ZFP62: variants seen among roughly 807,000 people sequenced by gnomAD.
ZFP62 encodes ZFP62 zinc finger protein, also known as zinc finger protein 62 homolog.
In ZFP62, 44 loss-of-function variants were observed where a neutral mutation model predicts 56.4. That is an observed-to-expected ratio of 0.78 (90% confidence interval 0.61 to 1.00). ZFP62 has a LOEUF of 1.00. ZFP62 is among the 50% of genes least tolerant of loss of function. The probability of loss-of-function intolerance (pLI) is 0.00; values close to 1 mark genes in which losing one functional copy is unlikely to be tolerated. For missense variants in ZFP62, 1,030 were observed against 1,085.7 expected, an observed-to-expected ratio of 0.95 and a Z score of 0.72; for synonymous variants, 421 against 388.9, an observed-to-expected ratio of 1.08 and a Z score of -0.97.
downstream of ZFP62, among the ~76,000 whole-genome samples, chr5:180,843,114 CAT>C (rs777499164): frequency 2.0e-3 from 299 of 148,500 alleles, no homozygotes; most frequent in Non-Finnish European, 3.2e-3. Flanking sequence ...AAAATAATAA[CAT>C]ATTTTAATAT....
At chr5:180,846,975 T>C (rs561118960), downstream of ZFP62, among the ~76,000 whole-genome samples, 110 of 152,310 alleles carry the variant, frequency 7.2e-4, no homozygotes, top group African/African-American at 2.5e-3. Flanking sequence ...TCCATCTCCC[T>C]TTCCTCCCTC....
chr5:180,856,826 C>T (rs1263011636), intron 1 of ZFP62, among the ~76,000 whole-genome samples: 4 of 151,570 alleles, frequency 2.6e-5, no homozygotes, highest in African/African-American at 4.9e-5. Context: ...TGGTGGTGGG[C>T]GCCTGTAGCT....
chr5:180,839,726 C>T, the ZFP62 span, among the ~76,000 whole-genome samples: 813 of 152,262 alleles, frequency 5.3e-3, 6 homozygotes, highest in African/African-American at 0.019. Context: ...AGTTTACCTA[C>T]ATAACAAACC....
At chr5:180,839,406 T>C in the ZFP62 span, among the ~76,000 whole-genome samples, 3 of 152,192 alleles carry the variant, frequency 2.0e-5, no homozygotes, top group East Asian at 1.9e-4. Context: ...TTTAAAATGG[T>C]TGTGTTCATG....
chr5:180,835,946 TTC>T, the ZFP62 span, among the ~76,000 whole-genome samples: 1 of 152,396 alleles, frequency 6.6e-6, no homozygotes, highest in African/African-American at 2.4e-5. Flanking sequence ...CAGGCTGCGT[TTC>T]TGACAGTACT....
chr5:180,837,622 G>A, the ZFP62 span, among the ~76,000 whole-genome samples: 5 of 152,176 alleles, frequency 3.3e-5, no homozygotes, highest in Non-Finnish European at 7.4e-5. Flanking sequence ...GGGCATAAAG[G>A]TATGTTAATT....
At position 180,848,767 on chromosome 5, in the gene ZFP62, GGA is replaced by G. The variant is rs779704548; in HGVS notation, c.*23_*24del. On this transcript the variant is annotated 3_prime_UTR_variant, in exon 2 of 2. Coordinates refer to ENST00000502412, the MANE Select transcript of ZFP62 (RefSeq NM_001172638.2). The stretch of plus-strand genomic sequence containing the variant: ...TAAGGTATTTCTTCCATTTGAGTTC[GGA>G]GAGACTTGGTAAGCTCTGCCTGCTA... The G allele has an allele frequency of 2.7e-6, 4 of 1,479,272 alleles. No individual in the cohort carries two copies. In the Admixed American group the frequency reaches 7.8e-5, roughly 29 times the overall value. 91.6% of individuals were successfully genotyped at this position (1,479,272 alleles called of 1,614,324 possible).
chr5:180,835,434 G>C, the ZFP62 span: 1 of 152,166 alleles, frequency 6.6e-6, no homozygotes, highest in Admixed American at 6.5e-5. Flanking sequence ...CTTCCAACTT[G>C]GATCAGGCCA....
chr5:180,850,520 G>A lies in ZFP62; in HGVS notation c.975C>T (p.Leu325=). The A allele has an allele frequency of 6.4e-7, 1 of 1,553,014 alleles. No individual in the cohort carries two copies. Among genetic ancestry groups the A allele is most frequent in the Non-Finnish European group, 8.7e-7 (1 of 1,147,884 alleles). The change falls in exon 2 of 2, where the codon CTC becomes CTT. Residue 325 remains leucine, a synonymous_variant. Coordinates refer to ENST00000502412, the MANE Select transcript of ZFP62 (RefSeq NM_001172638.2). ...GKAFITCRTL[L]NHKSIHFGDK... ...CTCCAAAGTGGATGCTTTTATGGTT[G>A]AGAAGTGTTCTACAAGTAATGAAGG...
chr5:180,835,172 A>C, the ZFP62 span: 1 of 152,222 alleles, frequency 6.6e-6, no homozygotes, highest in African/African-American at 2.4e-5. Flanking sequence ...TGCTCAGTGG[A>C]CTGAGTAGGG....
At position 180,850,629 on chromosome 5, in the gene ZFP62, G is replaced by T. The variant is rs768908665; in HGVS notation, c.866C>A (p.Thr289Asn). Residue 289 changes from threonine to asparagine, a missense_variant, in exon 2 of 2, where the codon ACC (threonine) becomes AAC (asparagine). Transcript: ENST00000502412. ...KPYECDICGK[T>N]FSNSSGLRVH... is the part of the protein sequence containing the mutation. ...CCTAAGGCCAGAGCTGTTACTGAAG[G>T]TTTTCCCACAGATGTCGCATTCATA... 6.3e-7 allele frequency: 1 copy of T among 1,574,838 alleles called. No individual in the cohort carries two copies. The highest frequency in any genetic ancestry group is 1.2e-5 in the South Asian group (1 of 86,610).
intron 1 of ZFP62, among the ~76,000 whole-genome samples, chr5:180,858,752 C>T (rs548842589): frequency 6.6e-6 from 1 of 151,924 alleles, no homozygotes; most frequent in South Asian, 2.1e-4. Flanking sequence ...CCTGATGACA[C>T]AAGTAAGGAA....
At chr5:180,829,515 C>A in the ZFP62 span, among the ~76,000 whole-genome samples, 1 of 152,216 alleles carries the variant, frequency 6.6e-6, no homozygotes, top group Non-Finnish European at 1.5e-5. Flanking sequence ...TCTTTGTACT[C>A]TTTATTTCTC....
intron 1 of ZFP62, among the ~76,000 whole-genome samples, chr5:180,854,101 C>T (rs1773850948): frequency 6.6e-6 from 1 of 152,162 alleles, no homozygotes; most frequent in Non-Finnish European, 1.5e-5. Context: ...ACATCTAGTA[C>T]CCCATTCTGG....
In ZFP62 at chr5:180,849,134, ACATT is replaced by A; in HGVS notation, c.2357_2360del (p.Glu786ValfsTer82). The A allele has an allele frequency of 6.4e-7, 1 of 1,562,114 alleles. No homozygotes were observed. Among genetic ancestry groups the A allele is most frequent in the Non-Finnish European group, 8.7e-7 (1 of 1,153,356 alleles). ...AGATGTATGCCTTCCCACACTCATC[ACATT>A]CATAGGGTTTCTCACCTGTGTGGAT... is the stretch of plus-strand genomic sequence containing the variant. On this transcript the variant is annotated frameshift_variant, in exon 2 of 2. Transcript: ENST00000502412. LOFTEE classifies it high-confidence loss of function.
At chr5:180,855,684 C>G (rs990016588) in intron 1 of ZFP62, among the ~76,000 whole-genome samples, 3 of 152,190 alleles carry the variant, frequency 2.0e-5, no homozygotes, top group African/African-American at 7.2e-5. Context: ...TTGGCCACAT[C>G]CAAAACAGCC....
At chr5:180,857,495 GT>G (rs1022446170) in intron 1 of ZFP62, among the ~76,000 whole-genome samples, 1 of 151,270 alleles carries the variant, frequency 6.6e-6, no homozygotes, top group East Asian at 1.9e-4. Flanking sequence ...TAGAACTTTT[GT>G]TTTTTTTTTG....
chr5:180,853,810 A>C (rs1297893180), intron 1 of ZFP62, among the ~76,000 whole-genome samples: 1 of 152,222 alleles, frequency 6.6e-6, no homozygotes, highest in Non-Finnish European at 1.5e-5. Context: ...TTCTGAAACA[A>C]CTTTAGATGT....
At chr5:180,828,764 C>T in the ZFP62 span, among the ~76,000 whole-genome samples, 2 of 152,182 alleles carry the variant, frequency 1.3e-5, no homozygotes, top group Non-Finnish European at 2.9e-5. Context: ...TAAGGTCTGA[C>T]TGCCTGCGGG....
Sources: allele counts gnomAD v4.1 joint callset (sites outside exome capture counted in the v4.1 genomes callset), GRCh38; gene constraint gnomAD v4.1.1; transcripts MANE v1.5; gene names NCBI Gene and HGNC (gene_info 2026-07-23, HGNC 2026-07-21).